The following ALAS2 variants were observed in gnomAD, a reference collection of about 807,000 sequenced individuals.
ALAS2 encodes the protein 5-aminolevulinate synthase, erythroid-specific, mitochondrial.
A neutral mutation model predicts 33.7 loss-of-function variants in ALAS2; 3 were observed. The ratio of observed to expected loss-of-function variants is 0.09; its 90% CI spans 0.04 to 0.23. The LOEUF (loss-of-function observed/expected upper bound fraction) is 0.23. Among genes scored for constraint, ALAS2 ranks in the 10% least tolerant of loss-of-function variants. ALAS2 has a pLI of 1.00. For synonymous variants in ALAS2, 191 were observed against 177.3 expected, an observed-to-expected ratio of 1.08 and a Z score of -0.61; for missense variants, 304 against 475.1, an observed-to-expected ratio of 0.64 and a Z score of 3.35.
intron 1 of ALAS2, among the ~76,000 whole-genome samples, chrX:55,028,296 C>T (rs768140623): frequency 2.7e-5 from 3 of 111,135 alleles, no homozygotes; most frequent in East Asian, 2.8e-4. Flanking sequence ...CCTGGAATCA[C>T]GTCTGAGCAT....
chrX:55,023,851 C>T lies in ALAS2; in HGVS notation c.321G>A (p.Leu107=). Residue 107 remains leucine, a synonymous_variant, in exon 4 of 11, where the codon CTG becomes CTA. Coordinates refer to ENST00000650242, the MANE Select transcript of ALAS2 (RefSeq NM_000032.5). ...KAFKTDLPSS[L]VSVSLRKPFS... ...ATGGCTTCCTTAGGCTGACTGAGACCAGGGAGCTAGGCAGATCTGAGACGG... is the reference window on the plus strand; with the variant it reads ...ATGGCTTCCTTAGGCTGACTGAGACTAGGGAGCTAGGCAGATCTGAGACGG... 8.3e-7 allele frequency: 1 copy of T among 1,208,701 alleles called. No individual in the cohort carries two copies. Among genetic ancestry groups the T allele is most frequent in the Non-Finnish European group, 1.1e-6 (1 of 893,249 alleles).
At chrX:55,010,884 A>G (rs1290541316) in intron 10 of ALAS2, among the ~76,000 whole-genome samples, 1 of 111,979 alleles carries the variant, frequency 8.9e-6, no homozygotes, top group African/African-American at 3.3e-5. Context: ...CTGCATCCCC[A>G]GTGCCTAGAA....
At position 55,014,973 on chromosome X, in the gene ALAS2, C is replaced by T. The variant is rs1241455019; in HGVS notation, c.1211G>A (p.Arg404His). The T allele has an allele frequency of 4.0e-5, 48 of 1,210,306 alleles. No individual in the cohort carries two copies. Among genetic ancestry groups the T allele is most frequent in the Non-Finnish European group, 4.9e-5 (44 of 894,757 alleles). Reference sequence around the variant, plus strand: ...GGAGCGCACCATGTCCACCAAGTCACGGGTGCTGGCAATGTAGCCGCCCAC... The same window carrying T: ...GGAGCGCACCATGTCCACCAAGTCATGGGTGCTGGCAATGTAGCCGCCCAC... Reference protein sequence around the residue: ...GCVGGYIASTRDLVDMVRSYA... With the variant: ...GCVGGYIASTHDLVDMVRSYA... The change falls in exon 9 of 11, where the codon CGT becomes CAT. Residue 404 changes from arginine to histidine, a missense_variant. Physicochemically the swap from Arg to His is conservative, Grantham distance 29. Coordinates refer to ENST00000650242, the MANE Select transcript of ALAS2 (RefSeq NM_000032.5).
At chrX:55,027,918 C>A in intron 1 of ALAS2, 1 of 650,167 alleles carries the variant, frequency 1.5e-6, no homozygotes, top group Admixed American at 2.3e-5. Flanking sequence ...CCAAGTTAAG[C>A]CTTTAGTATA....
At chrX:55,013,748 G>T in intron 9 of ALAS2, 100 bp from the exon 10 acceptor site, 1 of 1,010,953 alleles carries the variant, frequency 9.9e-7, no homozygotes, top group Non-Finnish European at 1.4e-6. Flanking sequence ...GAACATCACT[G>T]AATTTTGGGA....
In ALAS2 at chrX:55,022,715, A is replaced by G. The variant is rs144993606; in HGVS notation, c.415+1042T>C. Among the ~76,000 whole-genome samples the G allele has an allele frequency of 7.5e-3, 840 of 111,961 alleles. 11 individuals carry two copies. The highest frequency in any genetic ancestry group is 0.026 in the African/African-American group (787 of 30,822). ...CTGTGTACACAAGGAGATACATTCA[A>G]GGATGTTTGTTGCACCACTGTTTGT... On this transcript the variant is annotated intron_variant, in intron 4 of 10. Transcript: ENST00000650242.
chrX:55,013,397 A>G, intron 10 of ALAS2, 89 bp downstream of exon 10: 1 of 983,363 alleles, frequency 1.0e-6, no homozygotes, highest in Non-Finnish European at 1.4e-6. Flanking sequence ...TATTTTGTAA[A>G]CTCAGTGGTC....
chrX:55,024,520 G>A (rs1026245184), intron 3 of ALAS2, among the ~76,000 whole-genome samples, 198 bp downstream of exon 3: 4 of 111,891 alleles, frequency 3.6e-5, no homozygotes, highest in Non-Finnish European at 7.5e-5. Context: ...TCAGGAGCCC[G>A]TACATATGTG....
At chrX:55,010,321 A>G (rs6612253) in intron 10 of ALAS2, among the ~76,000 whole-genome samples, 1,665 of 111,425 alleles carry the variant, frequency 0.015, 39 homozygotes, top group African/African-American at 0.052. Context: ...TTCTCTACAT[A>G]GAAGTTGGAG....
intron 8 of ALAS2, among the ~76,000 whole-genome samples, chrX:55,015,352 TCTAA>T (rs1338178778): frequency 6.3e-5 from 7 of 111,540 alleles, no homozygotes; most frequent in South Asian, 3.8e-4. Context: ...TCAAGTTGAA[TCTAA>T]CTATTTGGCC....
intron 10 of ALAS2, among the ~76,000 whole-genome samples, chrX:55,011,407 A>G (rs1030055316): frequency 2.7e-5 from 3 of 111,908 alleles, no homozygotes; most frequent in Admixed American, 1.9e-4. Flanking sequence ...ATCATTTTGC[A>G]TACCCCTTGG....
chrX:55,011,556 T>C (rs1203378497), intron 10 of ALAS2, among the ~76,000 whole-genome samples: 1 of 110,813 alleles, frequency 9.0e-6, no homozygotes, highest in Admixed American at 9.6e-5. Context: ...GCAGAGAAAT[T>C]AGGAAAAAAA....
chrX:55,015,460 C>A (rs1410160271), intron 8 of ALAS2, 118 bp downstream of exon 8: 5 of 854,508 alleles, frequency 5.9e-6, no homozygotes, highest in Non-Finnish European at 8.5e-6. Context: ...ATGGCAGCAG[C>A]CTGGGGCTGT....
At chrX:55,015,507 G>C in intron 8 of ALAS2, 71 bp downstream of exon 8, 1 of 1,152,276 alleles carries the variant, frequency 8.7e-7, no homozygotes, top group Non-Finnish European at 1.2e-6. Flanking sequence ...CTTTGGGGAG[G>C]AGGCAGAAAA....
chrX:55,027,807 T>G lies in ALAS2; in HGVS notation c.-15-1792A>C. ...CCCAGAGCAACCTCTCCCCCTCTCA[T>G]GGGCTGTCACAGCAGCCTGGGTTGG... On this transcript the variant is annotated intron_variant, in intron 1 of 10. Coordinates refer to ENST00000650242, the MANE Select transcript of ALAS2 (RefSeq NM_000032.5). The G allele has an allele frequency of 2.5e-6, 3 of 1,211,375 alleles. No individual in the cohort carries two copies. The Middle Eastern group carries it at 6.9e-4, about 278-fold the overall frequency.
intron 1 of ALAS2, among the ~76,000 whole-genome samples, chrX:55,028,611 C>T (rs773517961): frequency 1.8e-5 from 2 of 111,217 alleles, no homozygotes; most frequent in Non-Finnish European, 3.8e-5. Flanking sequence ...AAAATATAGA[C>T]CACTTCTTGG....
Position 55,009,237 on chromosome X carries a change from C to T in ALAS2, c.1707G>A (p.Glu569=), listed in dbSNP as rs748918689. Residue 569 remains glutamate, a synonymous_variant, in exon 11 of 11, where the codon GAG becomes GAA. Coordinates refer to ENST00000650242, the MANE Select transcript of ALAS2 (RefSeq NM_000032.5). ...TGTTCCCGAAGTAGGAACGTTCCCA[C>T]TCACTCATGAGCTCAAAGTGTACAG... ...RRPVHFELMS[E]WERSYFGNMG... 8.3e-6 allele frequency: 10 copies of T among 1,205,849 alleles called. No individual in the cohort carries two copies. The South Asian group carries it at 1.6e-4, about 19-fold the overall frequency.
At chrX:55,011,963 G>A (rs1376468144) in intron 10 of ALAS2, among the ~76,000 whole-genome samples, 2 of 111,970 alleles carry the variant, frequency 1.8e-5, no homozygotes, top group Non-Finnish European at 3.8e-5. Flanking sequence ...GTACAAAATG[G>A]AAATGATAAG....
rs868730772 is a variant in ALAS2 at position 55,020,233 on chromosome X, A to G, written c.823+87T>C. The G allele has an allele frequency of 1.5e-5, 15 of 975,629 alleles. No homozygotes were observed. In the East Asian group the frequency reaches 3.6e-4, roughly 23 times the overall value. The allele number at this position is 975,629 out of a possible 1,213,427, so 80.4% of individuals were successfully genotyped here. ...AACAATGGGAGTGAGGGAACTCCAA[A>G]TACAGGGAAGGAGTGATGGAACCAG... On this transcript the variant is annotated intron_variant, in intron 6 of 10. Transcript: ENST00000650242.
Sources: allele counts gnomAD v4.1 joint callset (sites outside exome capture counted in the v4.1 genomes callset), GRCh38; gene constraint gnomAD v4.1.1; transcripts MANE v1.5; gene names NCBI Gene and HGNC (gene_info 2026-07-23, HGNC 2026-07-21).